RSPO2: variants seen among roughly 807,000 people sequenced by gnomAD.
RSPO2 encodes the protein R-spondin-2.
In RSPO2, 14 loss-of-function variants were observed where a neutral mutation model predicts 30.9. That is an observed-to-expected ratio of 0.45 (90% CI 0.30 to 0.71). RSPO2 has a LOEUF of 0.71. RSPO2 is among the 30% of genes least tolerant of loss of function. The pLI is 0.08. For synonymous variants in RSPO2, 107 were observed against 96.4 expected (o/e 1.11, Z -0.64); for missense variants, 264 against 301.9 (o/e 0.87, Z 0.93).
At chr8:107,947,606 A>G (rs1813107501) in intron 5 of RSPO2, among the ~76,000 whole-genome samples, 1 of 152,174 alleles carries the variant, frequency 6.6e-6, no homozygotes, top group African/African-American at 2.4e-5. Context: ...ATTCTCTGCT[A>G]ATTCTCTCAT....
intron 2 of RSPO2, among the ~76,000 whole-genome samples, chr8:108,022,936 A>AC (rs1234626070): frequency 6.6e-6 from 1 of 151,060 alleles, no homozygotes; most frequent in African/African-American, 2.4e-5. Context: ...AAAAAAACAA[A>AC]AAAAAAAACC....
chr8:108,014,827 CA>C (rs1406622248), intron 2 of RSPO2, among the ~76,000 whole-genome samples: 1 of 143,350 alleles, frequency 7.0e-6, no homozygotes, highest in Non-Finnish European at 1.5e-5. Context: ...CCATGTGTCC[CA>C]GAACTTAAAG....
intron 2 of RSPO2, among the ~76,000 whole-genome samples, chr8:108,030,006 T>C (rs1205388815): frequency 2.0e-5 from 3 of 151,930 alleles, no homozygotes; most frequent in African/African-American, 7.2e-5. Flanking sequence ...AGTTCAAACA[T>C]TTTTTTTAAA....
chr8:107,975,770 T>C (rs116871647), intron 3 of RSPO2, among the ~76,000 whole-genome samples: 54 of 152,024 alleles, frequency 3.6e-4, no homozygotes, highest in Non-Finnish European at 6.5e-4. Context: ...TAAAATCAAT[T>C]GACAATTGTG....
Position 107,988,962 on chromosome 8 carries a change from A to T in RSPO2, c.283+94T>A, listed in dbSNP as rs978798676. The T allele has an allele frequency of 4.1e-5, 49 of 1,205,438 alleles. No homozygotes were observed. The Admixed American group carries it at 5.7e-4, about 14-fold the overall frequency. The allele number at this position is 1,205,438 out of a possible 1,614,324, so 74.7% of individuals were successfully genotyped here. ...TATTTCTATCACCTATTACAAACACATTTTTTTTAAAAAAATCATTCAAAA... is the reference window on the plus strand; with the variant it reads ...TATTTCTATCACCTATTACAAACACTTTTTTTTTAAAAAAATCATTCAAAA... On this transcript the variant is annotated intron_variant, in intron 3 of 5. Transcript: ENST00000276659.
At chr8:108,068,284 T>C (rs1321452260) in intron 2 of RSPO2, among the ~76,000 whole-genome samples, 1 of 152,198 alleles carries the variant, frequency 6.6e-6, no homozygotes, top group African/African-American at 2.4e-5. Context: ...CGTACACTTA[T>C]AAACCATGTC....
At chr8:108,072,136 A>C (rs1812865266) in intron 2 of RSPO2, among the ~76,000 whole-genome samples, 1 of 152,110 alleles carries the variant, frequency 6.6e-6, no homozygotes, top group African/African-American at 2.4e-5. Flanking sequence ...GAGGTCTGCC[A>C]GCTGAATCAA....
chr8:108,013,165 T>TA, intron 2 of RSPO2, among the ~76,000 whole-genome samples: 1 of 149,840 alleles, frequency 6.7e-6, no homozygotes, highest in South Asian at 2.2e-4. Flanking sequence ...TTTCCACCCC[T>TA]ACTTCCTCAG....
chr8:107,983,852 T>A (rs2348325), intron 3 of RSPO2: 3 of 1,584,740 alleles, frequency 1.9e-6, no homozygotes, highest in Non-Finnish European at 2.6e-6. Context: ...GGCAGAAGTT[T>A]GCAGCAAATA....
chr8:108,060,578 G>A lies in RSPO2; in HGVS notation c.94+21967C>T, dbSNP rs924407800. 3.3e-5 allele frequency among the ~76,000 whole-genome samples: 5 copies of A among 151,796 alleles called. 1 individual carries two copies. Among genetic ancestry groups the A allele is most frequent in the African/African-American group, 7.3e-5 (3 of 41,108 alleles). On this transcript the variant is annotated intron_variant, in intron 2 of 5. Transcript: ENST00000276659. The stretch of plus-strand genomic sequence containing the variant: ...TCCGATTGGTGTACCTGAAAGTGAT[G>A]GGGAGAATGGAACCAAGTTGGAAAA...
At chr8:107,981,389 C>T (rs1285267883) in intron 3 of RSPO2, among the ~76,000 whole-genome samples, 9 of 151,824 alleles carry the variant, frequency 5.9e-5, no homozygotes, top group Non-Finnish European at 1.0e-4. Flanking sequence ...GGCATCGTGG[C>T]GTGCGCCTGT....
chr8:108,007,977 G>T (rs1424147251), intron 2 of RSPO2, among the ~76,000 whole-genome samples: 16 of 151,930 alleles, frequency 1.1e-4, no homozygotes, highest in Admixed American at 1.0e-3. Flanking sequence ...AATACACCTT[G>T]CCTGACTCAA....
chr8:107,935,828 A>G (rs982116876), intron 5 of RSPO2, among the ~76,000 whole-genome samples: 1 of 151,982 alleles, frequency 6.6e-6, no homozygotes, highest in Non-Finnish European at 1.5e-5. Flanking sequence ...TTTTAAATCG[A>G]TAACAAAATA....
At chr8:108,031,932 C>T (rs1204124838) in intron 2 of RSPO2, among the ~76,000 whole-genome samples, 1 of 152,128 alleles carries the variant, frequency 6.6e-6, no homozygotes, top group African/African-American at 2.4e-5. Context: ...CCACCAGCTA[C>T]AATGGTGACT....
At chr8:108,010,737 G>A (rs1028176808) in intron 2 of RSPO2, among the ~76,000 whole-genome samples, 7 of 152,066 alleles carry the variant, frequency 4.6e-5, no homozygotes, top group Non-Finnish European at 1.0e-4. Flanking sequence ...GGTCTCCATC[G>A]CTTTCCCTCC....
chr8:108,046,563 T>C (rs914104140), intron 2 of RSPO2, among the ~76,000 whole-genome samples: 2 of 152,074 alleles, frequency 1.3e-5, no homozygotes, highest in African/African-American at 4.8e-5. Flanking sequence ...TCTTGTAACA[T>C]ATCAGGCTAT....
intron 2 of RSPO2, among the ~76,000 whole-genome samples, chr8:108,018,291 G>A (rs148561922): frequency 1.8e-4 from 28 of 152,210 alleles, no homozygotes; most frequent in African/African-American, 6.7e-4. Flanking sequence ...CTTATATAAA[G>A]TATTGGTTTA....
chr8:108,046,110 T>G (rs1213840804), intron 2 of RSPO2, among the ~76,000 whole-genome samples: 1 of 152,204 alleles, frequency 6.6e-6, no homozygotes, highest in African/African-American at 2.4e-5. Context: ...TAGCTGCTGC[T>G]GCTTGAATAA....
chr8:107,989,179 G>A lies in RSPO2; in HGVS notation c.160C>T (p.Arg54Ter), dbSNP rs1460069208. 5 of 1,609,824 alleles carry A rather than the reference G, an allele frequency of 3.1e-6. No individual in the cohort carries two copies. Among genetic ancestry groups the A allele is most frequent in the Admixed American group, 1.7e-5 (1 of 59,116 alleles). ...AAGAAGAACAACTTCTGTTGACATC[G>A]GCTACACCCATTGTCCTTTGAACAA... is the stretch of plus-strand genomic sequence containing the variant. ...LSCSKDNGCS[R>*]CQQKLFFFLR... Residue 54 changes from arginine (R) to a stop codon, truncating the protein, a stop_gained, in exon 3 of 6, where the codon CGA (arginine) becomes TGA (stop). Transcript: ENST00000276659. LOFTEE classifies it high-confidence loss of function.
Sources: gnomAD v4.1 joint callset for allele counts (sites outside exome capture counted in the v4.1 genomes callset) on GRCh38, gnomAD v4.1.1 for gene constraint, MANE v1.5 for transcripts, NCBI Gene and HGNC (gene_info 2026-07-23, HGNC 2026-07-21) for gene names.